PCDHGB6: variants seen among roughly 807,000 people sequenced by gnomAD.
The protein encoded by PCDHGB6 is protocadherin gamma-B6.
In PCDHGB6, 51 loss-of-function variants were observed where a neutral mutation model predicts 59.1. The ratio of observed to expected loss-of-function variants is 0.86; its 90% CI spans 0.69 to 1.09. The LOEUF (loss-of-function observed/expected upper bound fraction) is 1.09, where lower values mean the gene tolerates loss of function less well. PCDHGB6 is among the 50% of genes least tolerant of loss of function. The pLI is 0.00. For synonymous variants in PCDHGB6, 466 were observed against 495.1 expected (o/e 0.94, Z 0.78); for missense variants, 1,148 against 1,205.1 (o/e 0.95, Z 0.70).
chr5:141,482,753 G>A (rs2154579665), intron 1 of PCDHGB6, among the ~76,000 whole-genome samples: 1 of 127,136 alleles, frequency 7.9e-6, no homozygotes. Context: ...GAGGGATTAT[G>A]GTATTTCATT....
At chr5:141,460,035 A>G (rs1246945474) in intron 1 of PCDHGB6, among the ~76,000 whole-genome samples, 1 of 152,140 alleles carries the variant, frequency 6.6e-6, no homozygotes, top group Non-Finnish European at 1.5e-5. Context: ...CCGAGACTGC[A>G]CCACTGCACT....
intron 1 of PCDHGB6, chr5:141,420,098 A>G: frequency 6.2e-7 from 1 of 1,614,034 alleles, no homozygotes; most frequent in African/African-American, 1.3e-5. Flanking sequence ...CAGTGAGGGA[A>G]CGTTGCCCTA....
At chr5:141,424,078 T>C in intron 1 of PCDHGB6, 1 of 975,828 alleles carries the variant, frequency 1.0e-6, no homozygotes, top group South Asian at 4.8e-5. Context: ...GTAGTTATAT[T>C]CCACCATTAT....
Position 141,409,459 on chromosome 5 carries a change from T to C in PCDHGB6, c.1257T>C (p.Asn419=), listed in dbSNP as rs139792503. The change falls in exon 1 of 4, where the codon AAT becomes AAC. Residue 419 remains asparagine, a synonymous_variant. Coordinates refer to ENST00000520790, the MANE Select transcript of PCDHGB6 (RefSeq NM_018926.3). ...ACCGAGAGCAGACACCAGAATACAA[T>C]GTCACCATCGTAGCCACTGACAGGG... ...ALDREQTPEY[N]VTIVATDRGK... 4.9e-3 allele frequency: 7,986 copies of C among 1,613,950 alleles called. 44 individuals are homozygous for C. The highest frequency in any genetic ancestry group is 9.4e-3 in the Admixed American group (567 of 60,028).
chr5:141,449,588 CAAA>C (rs768743917), intron 1 of PCDHGB6, among the ~76,000 whole-genome samples: 1 of 57,486 alleles, frequency 1.7e-5, no homozygotes, highest in Non-Finnish European at 3.7e-5. Context: ...GACTCTGTCT[CAAA>C]AAAAAAAAAA....
intron 1 of PCDHGB6, chr5:141,417,619 C>A: frequency 1.5e-6 from 1 of 656,120 alleles, no homozygotes; most frequent in South Asian, 2.4e-5. Flanking sequence ...CAGTGCAGAG[C>A]AAGCGCTGAC....
intron 1 of PCDHGB6, among the ~76,000 whole-genome samples, chr5:141,434,518 T>C (rs2097700303): frequency 6.6e-6 from 1 of 152,188 alleles, no homozygotes; most frequent in Admixed American, 6.5e-5. Flanking sequence ...CTTAAAGGTG[T>C]TCTTAAACCA....
chr5:141,438,619 TATATATATATATATATACACAC>T (rs1408639052), intron 1 of PCDHGB6, among the ~76,000 whole-genome samples: 61 of 39,666 alleles, frequency 1.5e-3, no homozygotes, highest in African/African-American at 9.2e-3. Context: ...TATATATATA[TATATATATATATATATACACAC>T]ACACACACAC....
chr5:141,472,263 C>T (rs978647191), intron 1 of PCDHGB6, among the ~76,000 whole-genome samples: 7 of 152,144 alleles, frequency 4.6e-5, no homozygotes, highest in South Asian at 2.1e-4. Flanking sequence ...ATATTATAGC[C>T]GGGCACAGTG....
chr5:141,478,290 A>G, intron 1 of PCDHGB6: 1 of 1,614,056 alleles, frequency 6.2e-7, no homozygotes, highest in South Asian at 1.1e-5. Flanking sequence ...CAGTCTAGAG[A>G]CCTATACCGA....
At chr5:141,456,873 G>A (rs2098894054) in intron 1 of PCDHGB6, among the ~76,000 whole-genome samples, 1 of 152,152 alleles carries the variant, frequency 6.6e-6, no homozygotes, top group Non-Finnish European at 1.5e-5. Context: ...TGAGGCAGGA[G>A]AATCGCTTGA....
chr5:141,468,039 A>G (rs1007212946), intron 1 of PCDHGB6, among the ~76,000 whole-genome samples: 21 of 152,262 alleles, frequency 1.4e-4, no homozygotes, highest in African/African-American at 5.1e-4. Context: ...CATTTAGAAA[A>G]CTAAGCCGGG....
intron 1 of PCDHGB6, chr5:141,421,983 T>G: frequency 6.2e-7 from 1 of 1,609,228 alleles, no homozygotes; most frequent in Non-Finnish European, 8.5e-7. Context: ...GCGTGAGTGT[T>G]CCAGAAAACA....
chr5:141,474,961 A>G (rs1395755491), intron 1 of PCDHGB6, among the ~76,000 whole-genome samples: 1 of 152,254 alleles, frequency 6.6e-6, no homozygotes, highest in South Asian at 2.1e-4. Flanking sequence ...TCACTATCCT[A>G]ATCATTATAA....
intron 1 of PCDHGB6, chr5:141,478,197 T>G (rs2099437910): frequency 6.2e-7 from 1 of 1,613,956 alleles, no homozygotes; most frequent in Admixed American, 1.7e-5. Context: ...ACCTTTTATC[T>G]ACTTCTTTCT....
intron 1 of PCDHGB6, chr5:141,423,760 G>GGT: frequency 7.2e-6 from 2 of 279,662 alleles, no homozygotes; most frequent in Non-Finnish European, 1.1e-5. Context: ...TGGGGGGGGG[G>GGT]TGGGGCGGCA....
At chr5:141,467,597 A>T (rs2099147099) in intron 1 of PCDHGB6, among the ~76,000 whole-genome samples, 1 of 152,136 alleles carries the variant, frequency 6.6e-6, no homozygotes, top group Non-Finnish European at 1.5e-5. Flanking sequence ...TTTATTAAGC[A>T]CTTCATCTTT....
intron 1 of PCDHGB6, chr5:141,421,947 C>T: frequency 6.2e-7 from 1 of 1,613,118 alleles, no homozygotes; most frequent in African/African-American, 1.3e-5. Context: ...ATGATCACAT[C>T]CCAATGTTTA....
At chr5:141,439,741 A>C (rs1303886454) in intron 1 of PCDHGB6, 1 of 152,352 alleles carries the variant, frequency 6.6e-6, no homozygotes, top group African/African-American at 2.4e-5. Flanking sequence ...AACGGAACGG[A>C]TTTACAGGCA....
Sources: allele counts gnomAD v4.1 joint callset (sites outside exome capture counted in the v4.1 genomes callset), GRCh38; gene constraint gnomAD v4.1.1; transcripts MANE v1.5; gene names NCBI Gene and HGNC (gene_info 2026-07-23, HGNC 2026-07-21).